The following REG3A variants were observed in gnomAD, a reference collection of about 807,000 sequenced individuals.
REG3A encodes regenerating islet-derived protein 3-alpha.
Under a neutral mutation model 20.5 loss-of-function variants are expected in REG3A, and 15 were observed. That is an observed-to-expected ratio of 0.73 (90% confidence interval 0.49 to 1.12). The LOEUF (loss-of-function observed/expected upper bound fraction) is 1.12, where lower values mean the gene tolerates loss of function less well. Ranked by LOEUF, REG3A falls within the 50% of genes most tolerant of loss-of-function variation. The pLI is 0.00. For synonymous variants in REG3A, 93 were observed against 83.2 expected (o/e 1.12, Z -0.64); for missense variants, 224 against 213.1 (o/e 1.05, Z -0.32).
chr2:79,159,185 T>C (rs911909826), intron 2 of REG3A, 145 bp downstream of exon 2: 5 of 816,660 alleles, frequency 6.1e-6, no homozygotes, highest in Non-Finnish European at 9.9e-6. Context: ...CAAGTTAACC[T>C]GAAGGAAGGA....
chr2:79,159,057 T>C, intron 2 of REG3A: 1 of 577,660 alleles, frequency 1.7e-6, no homozygotes, highest in Non-Finnish European at 3.1e-6. Flanking sequence ...CACATCTCAT[T>C]ACTGACCCTC....
rs751701601 is a variant in REG3A, at chr2:79,157,169, G to A, written c.*57C>T. ...TCTTCCAGGGTGAGTCCTCACACTG[G>A]TCTCATGCCCATGATGAGTTGCACA... On this transcript the variant is annotated 3_prime_UTR_variant, in exon 6 of 6. Coordinates refer to ENST00000305165, the MANE Select transcript of REG3A (RefSeq NM_002580.3). The A allele has an allele frequency of 7.4e-7, 1 of 1,353,374 alleles. No homozygotes were observed. Among genetic ancestry groups the A allele is most frequent in the Non-Finnish European group, 1.1e-6 (1 of 942,260 alleles). The allele number at this position is 1,353,374 out of a possible 1,614,324, so 83.8% of individuals were successfully genotyped here.
At chr2:79,158,495 C>A (rs773468294) in intron 3 of REG3A, 32 bp from the exon 4 acceptor site, 1 of 1,612,976 alleles carries the variant, frequency 6.2e-7, no homozygotes, top group South Asian at 1.1e-5. Flanking sequence ...TGAGAGGGAG[C>A]CTGAGACCTG....
At position 79,157,689 on chromosome 2, in the gene REG3A, G is replaced by T; in HGVS notation, c.343C>A (p.Pro115Thr). ...CTCCACTCCCAACCTTCTCCATTGG[G>T]CTCGGTGCCCTGTAGAGTAGAGGAG... Reference protein sequence around the residue: ...GLHDPTQGTEPNGEGWEWSSS... With the variant: ...GLHDPTQGTETNGEGWEWSSS... Residue 115 changes from proline to threonine, a missense_variant, in exon 5 of 6, where the codon CCC becomes ACC. Coordinates refer to ENST00000305165, the MANE Select transcript of REG3A (RefSeq NM_002580.3). The T allele has an allele frequency of 6.2e-7, 1 of 1,613,892 alleles. No homozygotes were observed. The highest frequency in any genetic ancestry group is 8.5e-7 in the Non-Finnish European group (1 of 1,179,870).
chr2:79,157,582 C>T lies in REG3A; in HGVS notation c.450G>A (p.Ser150=), dbSNP rs114456659. ...TCCTCTGTTTCTTACCTGTGCTTCT[C>T]GACAGGCTCGCACAGTGGCCGGGGC... is the stretch of plus-strand genomic sequence containing the variant. ...ISSPGHCASL[S]RSTAFLRWKD... is the part of the protein sequence containing the mutation. The change falls in exon 5 of 6, where the codon TCG becomes TCA. Residue 150 remains serine (S), a synonymous_variant. Coordinates refer to ENST00000305165, the MANE Select transcript of REG3A (RefSeq NM_002580.3). 1.1e-3 allele frequency: 1,772 copies of T among 1,614,006 alleles called. 19 individuals carry two copies. The African/African-American group carries it at 0.019, about 18-fold the overall frequency.
rs1314012426 is a variant in REG3A, at chr2:79,158,644, C to A, written c.195+7G>T. ...GGTCACCTCCAACACCACATCTAACCACTCACATCTGCATCTGTCCAGGAT... is the reference window on the plus strand; with the variant it reads ...GGTCACCTCCAACACCACATCTAACAACTCACATCTGCATCTGTCCAGGAT... On this transcript the variant is annotated splice_region_variant and intron_variant, in intron 3 of 5. Coordinates refer to ENST00000305165, the MANE Select transcript of REG3A (RefSeq NM_002580.3). The A allele has an allele frequency of 4.3e-6, 7 of 1,613,742 alleles. No individual in the cohort carries two copies. Among genetic ancestry groups the A allele is most frequent in the Non-Finnish European group, 5.9e-6 (7 of 1,179,710 alleles).
At chr2:79,158,224 T>C (rs1254834455) in intron 4 of REG3A, 102 bp downstream of exon 4, 6 of 1,345,886 alleles carry the variant, frequency 4.5e-6, no homozygotes, top group African/African-American at 1.5e-5. Flanking sequence ...TGAGCTCCAG[T>C]GCTCCCTGAA....
At chr2:79,159,283 T>C (rs1012853904) in intron 2 of REG3A, 47 bp downstream of exon 2, 1 of 1,584,016 alleles carries the variant, frequency 6.3e-7, no homozygotes. Flanking sequence ...TCTTGTTAGC[T>C]CTGAGGATTC....
intron 4 of REG3A, 107 bp from the exon 5 acceptor site, chr2:79,157,805 G>T: frequency 7.0e-7 from 1 of 1,431,760 alleles, no homozygotes; most frequent in Non-Finnish European, 9.5e-7. Flanking sequence ...GAGGAAAGTT[G>T]GTCTGCTATT....
intron 4 of REG3A, 59 bp from the exon 5 acceptor site, chr2:79,157,757 G>C: frequency 1.3e-6 from 2 of 1,577,458 alleles, no homozygotes; most frequent in Non-Finnish European, 1.7e-6. Context: ...CTTCTTGCAT[G>C]GCCCCTTAGC....
intron 4 of REG3A, 29 bp downstream of exon 4, chr2:79,158,297 G>A (rs763390886): frequency 3.7e-6 from 6 of 1,606,762 alleles, no homozygotes; most frequent in Non-Finnish European, 5.1e-6. Flanking sequence ...ACCTTGAGAG[G>A]TAACAGAGAG....
rs765218597 is a variant in REG3A at position 79,157,302 on chromosome 2, A to C, written c.461-9T>G. The C allele has an allele frequency of 1.9e-6, 3 of 1,612,622 alleles. No individual in the cohort carries two copies. Among genetic ancestry groups the C allele is most frequent in the Non-Finnish European group, 2.5e-6 (3 of 1,178,916 alleles). The stretch of plus-strand genomic sequence containing the variant: ...TTTCCACCTCAGAAATGCTGGAGAG[A>C]CAGAAGACATAAATGGAATGGGGCT... On this transcript the variant is annotated splice_polypyrimidine_tract_variant and intron_variant, in intron 5 of 5. Coordinates refer to ENST00000305165, the MANE Select transcript of REG3A (RefSeq NM_002580.3).
Position 79,157,059 on chromosome 2 carries a change from A to T in REG3A, c.*167T>A. On this transcript the variant is annotated 3_prime_UTR_variant, in exon 6 of 6. Transcript: ENST00000305165. ...AAGCCTTAGGCCGTATGACAAAATG[A>T]AGAGACTGAAATGACAGCGGGGAGG... 1 of 634,262 alleles carries T rather than the reference A, an allele frequency of 1.6e-6. No homozygotes were observed. Among genetic ancestry groups the T allele is most frequent in the East Asian group, 2.7e-5 (1 of 37,590 alleles). The allele number at this position is 634,262 out of a possible 1,614,324, so 39.3% of individuals were successfully genotyped here. A position where few individuals can be genotyped will look rare whatever the true frequency, so the allele number is the denominator to read the frequency against.
intron 2 of REG3A, 94 bp downstream of exon 2, chr2:79,159,236 C>G (rs923512875): frequency 3.0e-6 from 4 of 1,338,332 alleles, no homozygotes; most frequent in African/African-American, 2.9e-5. Context: ...TTAGACACCA[C>G]GTCATTACCT....
At position 79,158,625 on chromosome 2, in the gene REG3A, C is replaced by T. The variant is rs1351613475; in HGVS notation, c.195+26G>A. On this transcript the variant is annotated intron_variant, in intron 3 of 5. Coordinates refer to ENST00000305165, the MANE Select transcript of REG3A (RefSeq NM_002580.3). ...CCCTCCTCCCCCTGAGACCGGTCAC[C>T]TCCAACACCACATCTAACCACTCAC... 2.5e-6 allele frequency: 4 copies of T among 1,612,866 alleles called. No individual in the cohort carries two copies. The African/African-American group carries it at 4.0e-5, about 16-fold the overall frequency.
rs756356041 is a variant in REG3A, at chr2:79,159,363, G to A, written c.43C>T (p.Leu15Phe). 46 of 1,613,808 alleles carry A rather than the reference G, an allele frequency of 2.9e-5. No individual in the cohort carries two copies. Among genetic ancestry groups the A allele is most frequent in the Non-Finnish European group, 3.9e-5 (46 of 1,179,990 alleles). Reference protein sequence around the residue: ...MALPSVSWMLLSCLMLLSQVQ... With the variant: ...MALPSVSWMLFSCLMLLSQVQ... ...TGAGACAGCAGCATGAGGCAGGAAAGCAGCATCCAAGATACACTGGGCAGG... is the reference window on the plus strand; with the variant it reads ...TGAGACAGCAGCATGAGGCAGGAAAACAGCATCCAAGATACACTGGGCAGG... The change falls in exon 2 of 6, where the codon CTT (leucine) becomes TTT (phenylalanine). Residue 15 changes from leucine to phenylalanine, a missense_variant. Transcript: ENST00000305165.
At chr2:79,159,582 C>T in intron 1 of REG3A, 143 bp from the exon 2 acceptor site, 2 of 643,160 alleles carry the variant, frequency 3.1e-6, no homozygotes, top group South Asian at 3.8e-5. Flanking sequence ...AATCTGTGTA[C>T]TCTCCCATCC....
chr2:79,157,835 A>G (rs911575045), intron 4 of REG3A, 137 bp from the exon 5 acceptor site: 1 of 1,118,962 alleles, frequency 8.9e-7, no homozygotes, highest in Middle Eastern at 2.7e-4. Flanking sequence ...GCCGGTGAGT[A>G]GGAAACTCTT....
chr2:79,157,176 G>T lies in REG3A; in HGVS notation c.*50C>A. 7.0e-7 allele frequency: 1 copy of T among 1,430,378 alleles called. No homozygotes were observed. The highest frequency in any genetic ancestry group is 9.9e-7 in the Non-Finnish European group (1 of 1,012,640). 88.6% of individuals were successfully genotyped at this position (1,430,378 alleles called of 1,614,324 possible). On this transcript the variant is annotated 3_prime_UTR_variant, in exon 6 of 6. Coordinates refer to ENST00000305165, the MANE Select transcript of REG3A (RefSeq NM_002580.3). ...GGGTGAGTCCTCACACTGGTCTCATGCCCATGATGAGTTGCACACCAAACA... is the reference window on the plus strand; with the variant it reads ...GGGTGAGTCCTCACACTGGTCTCATTCCCATGATGAGTTGCACACCAAACA...
Sources: allele counts gnomAD v4.1 joint callset, GRCh38; gene constraint gnomAD v4.1.1; transcripts MANE v1.5; gene names NCBI Gene and HGNC (gene_info 2026-07-23, HGNC 2026-07-21).